OSBPL1A: variants seen among roughly 807,000 people sequenced by gnomAD.
OSBPL1A encodes oxysterol-binding protein-related protein 1.
OSBPL1A carries 80 observed loss-of-function variants against 137.1 expected under a neutral mutation model. The observed-to-expected ratio is 0.58, with a 90% CI of 0.49 to 0.70. The LOEUF (loss-of-function observed/expected upper bound fraction) is 0.70. Among genes scored for constraint, OSBPL1A ranks in the 30% least tolerant of loss-of-function variants. The pLI, the probability that OSBPL1A is intolerant of heterozygous loss-of-function variation, is 0.00. For missense variants in OSBPL1A, 970 were observed against 1,129.4 expected, an observed-to-expected ratio of 0.86 and a Z score of 2.02; for synonymous variants, 365 against 389.7, an observed-to-expected ratio of 0.94 and a Z score of 0.75.
intron 15 of OSBPL1A, among the ~76,000 whole-genome samples, chr18:24,262,131 C>T (rs1023585579): frequency 3.3e-5 from 5 of 152,108 alleles, no homozygotes; most frequent in African/African-American, 7.2e-5. Context: ...TTTTAAAATA[C>T]GCCTACTTAG....
At chr18:24,315,816 AAATATAT>A (rs2090719928) in intron 11 of OSBPL1A, among the ~76,000 whole-genome samples, 1 of 67,860 alleles carries the variant, frequency 1.5e-5, no homozygotes, top group African/African-American at 7.8e-5. Context: ...TTATATAATA[AAATATAT>A]AATATATAGT....
At chr18:24,369,240 C>T (rs924688278) in intron 2 of OSBPL1A, among the ~76,000 whole-genome samples, 3 of 151,932 alleles carry the variant, frequency 2.0e-5, no homozygotes, top group Non-Finnish European at 2.9e-5. Flanking sequence ...AAGAGAGGAC[C>T]GAAGTTAAAG....
At chr18:24,281,012 A>G (rs1316384711) in intron 14 of OSBPL1A, 64 bp from the exon 15 acceptor site, 14 of 993,950 alleles carry the variant, frequency 1.4e-5, no homozygotes, top group Non-Finnish European at 1.6e-5. Context: ...AACTAAGACC[A>G]CAAAAATACT....
intron 16 of OSBPL1A, among the ~76,000 whole-genome samples, chr18:24,225,947 T>C (rs1007717156): frequency 6.6e-6 from 1 of 152,226 alleles, no homozygotes; most frequent in Non-Finnish European, 1.5e-5. Context: ...CACTCCAGCC[T>C]GGGCAGAGTG....
At chr18:24,173,239 G>A (rs1372198672) in intron 21 of OSBPL1A, among the ~76,000 whole-genome samples, 1 of 152,078 alleles carries the variant, frequency 6.6e-6, no homozygotes, top group African/African-American at 2.4e-5. Flanking sequence ...AGACACTGGG[G>A]CCTACCTCAG....
chr18:24,284,145 A>G (rs896049646), intron 14 of OSBPL1A, among the ~76,000 whole-genome samples: 4 of 152,140 alleles, frequency 2.6e-5, no homozygotes, highest in African/African-American at 9.7e-5. Flanking sequence ...CGTATGCCAC[A>G]CTGCAGTGTA....
chr18:24,394,799 T>C (rs1371940810), intron 1 of OSBPL1A, among the ~76,000 whole-genome samples: 1 of 145,266 alleles, frequency 6.9e-6, no homozygotes. Context: ...TGTCACATGA[T>C]ACGAAATTGT....
intron 4 of OSBPL1A, among the ~76,000 whole-genome samples, chr18:24,346,413 T>A (rs924259642): frequency 6.6e-6 from 1 of 152,212 alleles, no homozygotes; most frequent in Non-Finnish European, 1.5e-5. Flanking sequence ...ACTATCTAAT[T>A]TCAGAACATT....
At chr18:24,293,502 A>AGCAGG (rs1192179033) in intron 14 of OSBPL1A, among the ~76,000 whole-genome samples, 2 of 152,212 alleles carry the variant, frequency 1.3e-5, no homozygotes, top group African/African-American at 4.8e-5. Flanking sequence ...CAGTACACAA[A>AGCAGG]GCAGGGCAGA....
rs12968494 is a variant in OSBPL1A, at chr18:24,311,685, G to A, written c.1092+299C>T. ...CAAGCTATGCATGCTCCCCATCCTC[G>A]CAGCAACTTTCAAACAAAATGACGG... On this transcript the variant is annotated intron_variant, in intron 13 of 27. Coordinates refer to ENST00000319481, the MANE Select transcript of OSBPL1A (RefSeq NM_080597.4). 0.12 allele frequency among the ~76,000 whole-genome samples: 18,941 copies of A among 152,138 alleles called. 1,262 individuals are homozygous for A. Among genetic ancestry groups the A allele is most frequent in the Middle Eastern group, 0.17 (50 of 292 alleles).
chr18:24,205,449 G>A (rs535129920), intron 17 of OSBPL1A, among the ~76,000 whole-genome samples: 47 of 152,306 alleles, frequency 3.1e-4, no homozygotes, highest in African/African-American at 1.1e-3. Flanking sequence ...CATCTGGCAA[G>A]GGTAGGTATT....
At chr18:24,198,144 G>T (rs949314875) in intron 17 of OSBPL1A, among the ~76,000 whole-genome samples, 1 of 152,118 alleles carries the variant, frequency 6.6e-6, no homozygotes, top group Non-Finnish European at 1.5e-5. Context: ...TACCTAGAGA[G>T]TTATGAGCTT....
At chr18:24,216,632 T>C (rs1321153650) in intron 17 of OSBPL1A, among the ~76,000 whole-genome samples, 1 of 152,218 alleles carries the variant, frequency 6.6e-6, no homozygotes, top group Admixed American at 6.5e-5. Context: ...TTCAGCTACC[T>C]CTTTCTTAAA....
At chr18:24,230,549 C>T (rs780468856) in intron 16 of OSBPL1A, among the ~76,000 whole-genome samples, 3 of 152,084 alleles carry the variant, frequency 2.0e-5, no homozygotes, top group Non-Finnish European at 4.4e-5. Flanking sequence ...TTAACTCTTA[C>T]CTCATTGCCA....
At chr18:24,201,528 C>A (rs201791480) in intron 17 of OSBPL1A, among the ~76,000 whole-genome samples, 1 of 152,180 alleles carries the variant, frequency 6.6e-6, no homozygotes, top group South Asian at 2.1e-4. Flanking sequence ...TTTGGGAGGC[C>A]GAGGCAGACA....
chr18:24,230,784 T>G (rs186649026), intron 16 of OSBPL1A, among the ~76,000 whole-genome samples: 1 of 152,230 alleles, frequency 6.6e-6, no homozygotes, highest in African/African-American at 2.4e-5. Context: ...AAAAGATTTA[T>G]GAAATAGCCC....
chr18:24,354,807 G>A (rs2091504714), intron 4 of OSBPL1A, among the ~76,000 whole-genome samples: 1 of 147,848 alleles, frequency 6.8e-6, no homozygotes, highest in Non-Finnish European at 1.5e-5. Context: ...AGTAGTATCT[G>A]CTACCATTTG....
chr18:24,391,496 G>A (rs574032107), intron 1 of OSBPL1A, among the ~76,000 whole-genome samples: 2 of 150,720 alleles, frequency 1.3e-5, no homozygotes, highest in African/African-American at 4.9e-5. Context: ...GCTGAGGCAG[G>A]AGGATAGCCT....
chr18:24,392,246 C>T (rs143447234), intron 1 of OSBPL1A, among the ~76,000 whole-genome samples: 181 of 152,170 alleles, frequency 1.2e-3, no homozygotes, highest in South Asian at 7.7e-3. Context: ...CCGCAACCTC[C>T]GCCTCCCGGG....
Sources: allele counts gnomAD v4.1 joint callset (sites outside exome capture counted in the v4.1 genomes callset), GRCh38; gene constraint gnomAD v4.1.1; transcripts MANE v1.5; gene names NCBI Gene and HGNC (gene_info 2026-07-23, HGNC 2026-07-21).